Variants in MDGA2 observed in about 807,000 individuals in gnomAD.
MDGA2 encodes MAM domain-containing glycosylphosphatidylinositol anchor protein 2.
Under a neutral mutation model 117.8 loss-of-function variants are expected in MDGA2, and 40 were observed. The observed-to-expected ratio is 0.34, with a 90% confidence interval of 0.26 to 0.44. MDGA2 has a LOEUF of 0.44. MDGA2 is among the 20% of genes least tolerant of loss of function. The probability of loss-of-function intolerance (pLI) is 1.00; values close to 1 mark genes in which losing one functional copy is unlikely to be tolerated. For synonymous variants in MDGA2, 452 were observed against 439.0 expected (o/e 1.03, Z -0.37); for missense variants, 1,123 against 1,250.6 (o/e 0.90, Z 1.54).
chr14:47,042,767 CTTG>C (rs1385276729), intron 7 of MDGA2, among the ~76,000 whole-genome samples: 1 of 152,058 alleles, frequency 6.6e-6, no homozygotes, highest in East Asian at 1.9e-4. Context: ...TGTCAGTATG[CTTG>C]TTGTAACTCC....
intron 8 of MDGA2, among the ~76,000 whole-genome samples, chr14:46,985,965 A>G (rs1477479857): frequency 6.6e-6 from 1 of 151,974 alleles, no homozygotes; most frequent in Non-Finnish European, 1.5e-5. Flanking sequence ...CAAGACTTCT[A>G]AGGTTTCAAA....
At chr14:47,501,895 T>A (rs1474840) in intron 1 of MDGA2, among the ~76,000 whole-genome samples, 66,577 of 151,810 alleles carry the variant, frequency 0.44, 15,089 homozygotes, top group East Asian at 0.61. Flanking sequence ...ATGGCAGCCC[T>A]AGCAAACTAA....
intron 9 of MDGA2, among the ~76,000 whole-genome samples, chr14:46,925,534 A>C (rs1163298934): frequency 6.7e-6 from 1 of 148,400 alleles, no homozygotes; most frequent in African/African-American, 2.5e-5. Flanking sequence ...CGGGAGGCTG[A>C]GGCAGGGGAA....
At chr14:47,042,979 C>G (rs1011627905) in intron 7 of MDGA2, among the ~76,000 whole-genome samples, 1 of 152,058 alleles carries the variant, frequency 6.6e-6, no homozygotes, top group Non-Finnish European at 1.5e-5. Flanking sequence ...CACCAATTGT[C>G]AGTGGCCACT....
chr14:47,492,082 T>C (rs960608665), intron 1 of MDGA2, among the ~76,000 whole-genome samples: 2 of 152,168 alleles, frequency 1.3e-5, no homozygotes, highest in African/African-American at 4.8e-5. Context: ...CTTTGAACCA[T>C]GTAACACAAA....
intron 6 of MDGA2, among the ~76,000 whole-genome samples, chr14:47,087,795 G>C (rs1890958928): frequency 1.5e-5 from 1 of 64,520 alleles, no homozygotes; most frequent in Non-Finnish European, 3.0e-5. Flanking sequence ...TACAACTGTA[G>C]GGTATCAAAA....
intron 8 of MDGA2, among the ~76,000 whole-genome samples, chr14:47,029,553 A>G (rs1888587114): frequency 6.6e-6 from 1 of 152,198 alleles, no homozygotes; most frequent in Non-Finnish European, 1.5e-5. Flanking sequence ...TACATGGTGG[A>G]GATTTAACAG....
At chr14:47,337,126 CTG>C (rs1002681650) in intron 1 of MDGA2, among the ~76,000 whole-genome samples, 1 of 152,000 alleles carries the variant, frequency 6.6e-6, no homozygotes, top group Non-Finnish European at 1.5e-5. Flanking sequence ...CTAACTATAA[CTG>C]TAATTTACAT....
Position 46,954,113 on chromosome 14 carries a change from C to G in MDGA2, c.2089+3261G>C, listed in dbSNP as rs150272203. ...TACACAGTCTACTGATGTAGGTGAC[C>G]TGAAACCTCGCAGGTTGATTTTCCT... On this transcript the variant is annotated intron_variant, in intron 9 of 16. Coordinates refer to ENST00000399232, the MANE Select transcript of MDGA2 (RefSeq NM_001113498.3). Among the ~76,000 whole-genome samples, 472 of 151,988 alleles carry G rather than the reference C, an allele frequency of 3.1e-3. 2 individuals are homozygous for G. Among genetic ancestry groups the G allele is most frequent in the African/African-American group, 0.011 (455 of 41,474 alleles).
At chr14:46,940,590 T>C (rs1325090538) in intron 9 of MDGA2, among the ~76,000 whole-genome samples, 1 of 148,464 alleles carries the variant, frequency 6.7e-6, no homozygotes, top group East Asian at 2.0e-4. Flanking sequence ...ATCATGCCAT[T>C]GCACTACAGC....
At chr14:47,365,902 C>CATAT (rs751206737) in intron 1 of MDGA2, among the ~76,000 whole-genome samples, 8 of 152,230 alleles carry the variant, frequency 5.3e-5, no homozygotes, top group Non-Finnish European at 1.0e-4. Flanking sequence ...TTTCCTCATA[C>CATAT]ATCAATACTT....
intron 1 of MDGA2, among the ~76,000 whole-genome samples, chr14:47,595,567 A>C (rs1896527064): frequency 1.3e-5 from 2 of 151,292 alleles, no homozygotes; most frequent in Admixed American, 6.6e-5. Flanking sequence ...CAAAAAAAAA[A>C]AAAACCCAGC....
intron 3 of MDGA2, among the ~76,000 whole-genome samples, chr14:47,216,398 G>A (rs1409120654): frequency 1.3e-5 from 2 of 152,044 alleles, no homozygotes. Flanking sequence ...AAACTTAGCT[G>A]GATATTTGGC....
chr14:47,582,891 C>T (rs951090046), intron 1 of MDGA2, among the ~76,000 whole-genome samples: 1 of 151,900 alleles, frequency 6.6e-6, no homozygotes, highest in Non-Finnish European at 1.5e-5. Flanking sequence ...TTGTCAGGTT[C>T]AACTCAGTCT....
At chr14:47,460,376 G>A (rs1024642799) in intron 1 of MDGA2, among the ~76,000 whole-genome samples, 4 of 151,974 alleles carry the variant, frequency 2.6e-5, no homozygotes, top group Non-Finnish European at 4.4e-5. Context: ...ACAAAAGAAA[G>A]GTTATAACTG....
chr14:47,040,907 C>T (rs1188870411), intron 7 of MDGA2, among the ~76,000 whole-genome samples: 2 of 151,812 alleles, frequency 1.3e-5, no homozygotes, highest in South Asian at 2.1e-4. Context: ...CTGTTTGGCA[C>T]AGATAAGAAA....
chr14:47,418,868 T>C (rs1892524680), intron 1 of MDGA2, among the ~76,000 whole-genome samples: 1 of 152,132 alleles, frequency 6.6e-6, no homozygotes, highest in Non-Finnish European at 1.5e-5. Flanking sequence ...TGGAAAGGGT[T>C]TATTTGTTCA....
At chr14:47,570,920 T>C (rs1463086264) in intron 1 of MDGA2, among the ~76,000 whole-genome samples, 2 of 152,212 alleles carry the variant, frequency 1.3e-5, no homozygotes, top group East Asian at 1.9e-4. Flanking sequence ...CTGATTAAAC[T>C]ACAGAGCTTC....
intron 1 of MDGA2, among the ~76,000 whole-genome samples, chr14:47,443,251 C>T (rs1893050362): frequency 6.6e-6 from 1 of 151,982 alleles, no homozygotes; most frequent in African/African-American, 2.4e-5. Context: ...AAGTTATGTC[C>T]AGAGTGCATG....
Sources: allele counts gnomAD v4.1 joint callset (sites outside exome capture counted in the v4.1 genomes callset), GRCh38; gene constraint gnomAD v4.1.1; transcripts MANE v1.5; gene names NCBI Gene and HGNC (gene_info 2026-07-23, HGNC 2026-07-21).